Variants in PRKN observed in about 807,000 individuals in gnomAD.
The protein encoded by PRKN is E3 ubiquitin-protein ligase parkin.
In PRKN, 56 loss-of-function variants were observed where a neutral mutation model predicts 59.5. The observed-to-expected ratio is 0.94, with a 90% CI of 0.76 to 1.18. PRKN has a LOEUF of 1.18. PRKN is among the 50% of genes most tolerant of loss of function. PRKN has a pLI of 0.00. For missense variants in PRKN, 657 were observed against 596.4 expected, an observed-to-expected ratio of 1.10 and a Z score of -1.06; for synonymous variants, 250 against 222.1, an observed-to-expected ratio of 1.13 and a Z score of -1.12.
chr6:162,072,719 G>A (rs1332094112), intron 4 of PRKN, among the ~76,000 whole-genome samples: 1 of 152,158 alleles, frequency 6.6e-6, no homozygotes, highest in African/African-American at 2.4e-5. Context: ...GAATGACTGG[G>A]TTTCGAATCT....
At chr6:162,421,127 A>G (rs747134758) in intron 2 of PRKN, among the ~76,000 whole-genome samples, 21 of 152,164 alleles carry the variant, frequency 1.4e-4, no homozygotes, top group Admixed American at 4.6e-4. Flanking sequence ...ACAGAACTCC[A>G]GGTAATCATT....
intron 1 of PRKN, among the ~76,000 whole-genome samples, chr6:162,457,745 T>C (rs1194079082): frequency 6.9e-6 from 1 of 145,916 alleles, no homozygotes; most frequent in African/African-American, 2.5e-5. Flanking sequence ...AATGATGAAG[T>C]ATTTTTTTAT....
At chr6:161,902,560 A>ATCTATTTTTTTTTTTTTTTTT (rs1554245457) in intron 6 of PRKN, among the ~76,000 whole-genome samples, 6 of 125,354 alleles carry the variant, frequency 4.8e-5, no homozygotes, top group Non-Finnish European at 4.9e-5. Context: ...TTATTTATTT[A>ATCTATTTTTTTTTTTTTTTTT]TTTATTTTTT....
intron 1 of PRKN, among the ~76,000 whole-genome samples, chr6:162,473,667 TACCAAGTTTTTGA>T (rs958631475): frequency 2.6e-5 from 4 of 152,188 alleles, no homozygotes; most frequent in African/African-American, 9.7e-5. Flanking sequence ...TCTTTTTTTG[TACCAAGTTTTTGA>T]AATTGGGTGT....
intron 6 of PRKN, among the ~76,000 whole-genome samples, chr6:161,827,449 A>C (rs1215510694): frequency 6.6e-6 from 1 of 152,096 alleles, no homozygotes; most frequent in African/African-American, 2.4e-5. Context: ...TTTTTAAAAA[A>C]TATAATCATT....
rs957755713 is a variant in PRKN, at chr6:162,306,821, GT to G, written c.172-44057del. Among the ~76,000 whole-genome samples, 75 of 152,256 alleles carry G rather than the reference GT, an allele frequency of 4.9e-4. 1 individual carries two copies. Among genetic ancestry groups the G allele is most frequent in the African/African-American group, 1.8e-3 (75 of 41,542 alleles). On this transcript the variant is annotated intron_variant, in intron 2 of 11. Transcript: ENST00000366898. ...CAACGAGGCAGAGCTAAGAGCAACT[GT>G]TTCAAAGGCCCAGGCACGCTGCCAA...
chr6:162,526,170 T>C (rs1412627922), intron 1 of PRKN, among the ~76,000 whole-genome samples: 2 of 150,130 alleles, frequency 1.3e-5, no homozygotes, highest in African/African-American at 2.5e-5. Flanking sequence ...ATTCTGTTCA[T>C]GAAATAAAAT....
At chr6:161,928,583 G>A (rs1270358134) in intron 6 of PRKN, among the ~76,000 whole-genome samples, 1 of 152,126 alleles carries the variant, frequency 6.6e-6, no homozygotes, top group East Asian at 1.9e-4. Flanking sequence ...AGATAAGATA[G>A]AAAATATAAC....
intron 5 of PRKN, among the ~76,000 whole-genome samples, chr6:162,037,486 A>G (rs994120705): frequency 1.3e-5 from 2 of 151,718 alleles, no homozygotes; most frequent in African/African-American, 4.8e-5. Context: ...AAGAATATGC[A>G]CCCAGTGTTA....
chr6:162,446,070 A>G (rs117831356), intron 1 of PRKN, among the ~76,000 whole-genome samples: 5 of 152,302 alleles, frequency 3.3e-5, no homozygotes, highest in African/African-American at 1.2e-4. Context: ...GGTGCTTTTG[A>G]TACACTTTTA....
At chr6:161,840,260 G>C (rs1792929057) in intron 6 of PRKN, among the ~76,000 whole-genome samples, 1 of 152,220 alleles carries the variant, frequency 6.6e-6, no homozygotes, top group South Asian at 2.1e-4. Flanking sequence ...GGCATCTGGG[G>C]CATCACAGGT....
intron 7 of PRKN, among the ~76,000 whole-genome samples, chr6:161,624,748 TATC>T (rs1446950625): frequency 6.6e-6 from 1 of 152,244 alleles, no homozygotes; most frequent in Non-Finnish European, 1.5e-5. Flanking sequence ...ATTCTACTAA[TATC>T]ATTTTTATTT....
intron 4 of PRKN, among the ~76,000 whole-genome samples, chr6:162,131,262 C>A (rs1471907919): frequency 1.3e-5 from 2 of 152,184 alleles, no homozygotes; most frequent in African/African-American, 4.8e-5. Flanking sequence ...GCCTGAGGAA[C>A]AGCAGCTTCA....
At position 162,540,550 on chromosome 6, in the gene PRKN, G is replaced by A. The variant is rs1430671987; in HGVS notation, c.8-97077C>T. The stretch of plus-strand genomic sequence containing the variant: ...TGGCTGGGCGTGGTGGCTCATGTCC[G>A]TAAGCCCAGCACTCAGGGAGGCTGA... On this transcript the variant is annotated intron_variant, in intron 1 of 11. Coordinates refer to ENST00000366898, the MANE Select transcript of PRKN (RefSeq NM_004562.3). Among the ~76,000 whole-genome samples the A allele has an allele frequency of 3.3e-5, 5 of 151,992 alleles. No individual in the cohort carries two copies. The South Asian group carries it at 6.2e-4, about 19-fold the overall frequency.
intron 3 of PRKN, among the ~76,000 whole-genome samples, chr6:162,206,898 A>G (rs994474722): frequency 3.3e-5 from 5 of 152,218 alleles, no homozygotes; most frequent in African/African-American, 1.2e-4. Context: ...ATGTCCAGCA[A>G]GCGCTTCTTT....
chr6:161,357,248 C>T lies in PRKN; in HGVS notation c.1285+2840G>A, dbSNP rs1284528979. Among the ~76,000 whole-genome samples the T allele has an allele frequency of 1.3e-5, 2 of 152,152 alleles. No homozygotes were observed. Among genetic ancestry groups the T allele is most frequent in the Non-Finnish European group, 2.9e-5 (2 of 68,038 alleles). ...TCTATTTTTAGTGGAGACGGGGTTT[C>T]GCCATGTTGGCCAGGCTGGTCTCGA... On this transcript the variant is annotated intron_variant, in intron 11 of 11. Coordinates refer to ENST00000366898, the MANE Select transcript of PRKN (RefSeq NM_004562.3). The surrounding 1 kb of genome is among the most constrained non-coding windows in gnomAD (Gnocchi z 5.5).
intron 7 of PRKN, among the ~76,000 whole-genome samples, chr6:161,596,554 CTGCCT>C (rs1227138722): frequency 1.3e-5 from 2 of 152,100 alleles, no homozygotes; most frequent in Non-Finnish European, 2.9e-5. Context: ...CCATTCATGT[CTGCCT>C]TGCCTTTCAC....
intron 1 of PRKN, among the ~76,000 whole-genome samples, chr6:162,538,769 T>A (rs1778814459): frequency 6.6e-6 from 1 of 152,208 alleles, no homozygotes; most frequent in African/African-American, 2.4e-5. Flanking sequence ...AGAAAGGACC[T>A]TTACAGCCAG....
At chr6:162,712,465 T>A (rs368145954) in intron 1 of PRKN, among the ~76,000 whole-genome samples, 4 of 152,198 alleles carry the variant, frequency 2.6e-5, no homozygotes, top group Non-Finnish European at 4.4e-5. Flanking sequence ...ACAGCATCCA[T>A]CTGGGCTGTA....
Sources: gnomAD v4.1 joint callset for allele counts (sites outside exome capture counted in the v4.1 genomes callset) on GRCh38, gnomAD v4.1.1 for gene constraint, Gnocchi (gnomAD v3.1) non-coding constraint, MANE v1.5 for transcripts, NCBI Gene and HGNC (gene_info 2026-07-23, HGNC 2026-07-21) for gene names.